Variants in RANBP17 observed in about 807,000 individuals in gnomAD.
The protein encoded by RANBP17 is ran-binding protein 17.
RANBP17 carries 158 observed loss-of-function variants against 141.2 expected under a neutral mutation model. The observed-to-expected ratio is 1.12, with a 90% CI of 0.98 to 1.28. The LOEUF (loss-of-function observed/expected upper bound fraction) is 1.28. RANBP17 is among the 50% of genes most tolerant of loss of function. The pLI is 0.00. For missense variants in RANBP17, 1,438 were observed against 1,290.7 expected (o/e 1.11, Z -1.75); for synonymous variants, 430 against 450.0 (o/e 0.96, Z 0.56).
intron 14 of RANBP17, among the ~76,000 whole-genome samples, chr5:171,168,131 C>G (rs1278294604): frequency 6.6e-6 from 1 of 152,098 alleles, no homozygotes; most frequent in Non-Finnish European, 1.5e-5. Context: ...AAGAAGCACT[C>G]AGTGTCATGA....
At chr5:171,006,651 C>A (rs11742002) in intron 14 of RANBP17, among the ~76,000 whole-genome samples, 2 of 151,280 alleles carry the variant, frequency 1.3e-5, no homozygotes, top group Non-Finnish European at 2.9e-5. Context: ...TGTTACATGA[C>A]GAGTTAATGG....
At chr5:171,262,871 T>G (rs753426706) in intron 24 of RANBP17, among the ~76,000 whole-genome samples, 3 of 152,158 alleles carry the variant, frequency 2.0e-5, no homozygotes, top group Non-Finnish European at 4.4e-5. Flanking sequence ...ATTCAACCCC[T>G]CATCCCTCAT....
intron 25 of RANBP17, among the ~76,000 whole-genome samples, chr5:171,280,402 C>A (rs1767783408): frequency 6.6e-6 from 1 of 152,158 alleles, no homozygotes. Context: ...CTCAGCCTCG[C>A]AAGTAGCTGG....
chr5:171,147,463 T>TG (rs1283571585), intron 14 of RANBP17, among the ~76,000 whole-genome samples: 6 of 148,414 alleles, frequency 4.0e-5, no homozygotes, highest in Non-Finnish European at 8.9e-5. Flanking sequence ...TCACCCAGGC[T>TG]GGAGTGCAGT....
Position 171,001,857 on chromosome 5 carries a change from C to T in RANBP17, c.1710+33480C>T, listed in dbSNP as rs551985862. 4.6e-5 allele frequency among the ~76,000 whole-genome samples: 7 copies of T among 152,124 alleles called. No individual in the cohort carries two copies. The South Asian group carries it at 1.0e-3, about 23-fold the overall frequency. Reference sequence around the variant, plus strand: ...CGTCTGACAAAAGGGAAGAAATGACCGCAGTGACCTTCTCAGACCCTATGG... The same window carrying T: ...CGTCTGACAAAAGGGAAGAAATGACTGCAGTGACCTTCTCAGACCCTATGG... On this transcript the variant is annotated intron_variant, in intron 14 of 27. Coordinates refer to ENST00000523189, the MANE Select transcript of RANBP17 (RefSeq NM_022897.5).
chr5:171,134,512 A>G (rs750534636), intron 14 of RANBP17, among the ~76,000 whole-genome samples: 1 of 152,222 alleles, frequency 6.6e-6, no homozygotes, highest in Non-Finnish European at 1.5e-5. Flanking sequence ...ATTATCAGTT[A>G]AGTAAGGGAC....
rs1003016969 is a variant in RANBP17 at position 170,979,601 on chromosome 5, C to G, written c.1710+11224C>G. Among the ~76,000 whole-genome samples the G allele has an allele frequency of 2.6e-5, 4 of 152,140 alleles. No homozygotes were observed. The South Asian group carries it at 8.3e-4, about 32-fold the overall frequency. ...TGGTAGTGACTAAATCTCACAAAAT[C>G]TGATGGTTACTATAAAGGGGAGTTG... On this transcript the variant is annotated intron_variant, in intron 14 of 27. Coordinates refer to ENST00000523189, the MANE Select transcript of RANBP17 (RefSeq NM_022897.5).
At chr5:170,940,460 A>G (rs1242383819) in intron 12 of RANBP17, among the ~76,000 whole-genome samples, 1 of 152,166 alleles carries the variant, frequency 6.6e-6, no homozygotes, top group African/African-American at 2.4e-5. Flanking sequence ...ATTGTCACCC[A>G]GGCATGCAAA....
At chr5:171,260,075 A>G (rs1389158624) in intron 24 of RANBP17, among the ~76,000 whole-genome samples, 1 of 148,934 alleles carries the variant, frequency 6.7e-6, no homozygotes, top group Non-Finnish European at 1.5e-5. Flanking sequence ...CCAAGTGGGC[A>G]GATCACTTGA....
intron 9 of RANBP17, among the ~76,000 whole-genome samples, chr5:170,917,897 T>A (rs550823391): frequency 1.3e-5 from 2 of 152,220 alleles, no homozygotes; most frequent in East Asian, 3.9e-4. Context: ...GATTACAAAA[T>A]TTTTTTGGTT....
At chr5:170,923,091 CAG>C (rs1189880618) in intron 11 of RANBP17, among the ~76,000 whole-genome samples, 8 of 152,142 alleles carry the variant, frequency 5.3e-5, no homozygotes, top group African/African-American at 1.9e-4. Flanking sequence ...TCCAGGGTCA[CAG>C]AGATTTTTCT....
intron 8 of RANBP17, among the ~76,000 whole-genome samples, chr5:170,915,675 A>T (rs1372653479): frequency 6.6e-6 from 1 of 152,022 alleles, no homozygotes; most frequent in Non-Finnish European, 1.5e-5. Flanking sequence ...ATTTTTTAAG[A>T]TGCTAATAGA....
At chr5:171,282,600 T>A (rs542038834) in intron 25 of RANBP17, among the ~76,000 whole-genome samples, 1 of 152,200 alleles carries the variant, frequency 6.6e-6, no homozygotes, top group African/African-American at 2.4e-5. Context: ...AGTCTCAGCC[T>A]CCCAAGTAGC....
At chr5:171,110,863 A>ATTT (rs35915171) in intron 14 of RANBP17, among the ~76,000 whole-genome samples, 2 of 146,958 alleles carry the variant, frequency 1.4e-5, no homozygotes, top group Non-Finnish European at 3.0e-5. Flanking sequence ...TTTTTTTTTA[A>ATTT]TTTTTTTTTT....
chr5:171,045,733 C>T (rs983162465), intron 14 of RANBP17, among the ~76,000 whole-genome samples: 1 of 152,122 alleles, frequency 6.6e-6, no homozygotes, highest in African/African-American at 2.4e-5. Flanking sequence ...TCCATCTTTT[C>T]TGGTGTACAG....
At chr5:171,252,795 C>T (rs1765656597) in intron 24 of RANBP17, 1 of 1,222,824 alleles carries the variant, frequency 8.2e-7, no homozygotes, top group Non-Finnish European at 1.2e-6. Context: ...TGTGCAGCCT[C>T]ATTGTCAGCA....
chr5:171,199,309 GA>G (rs1029031511), intron 18 of RANBP17, among the ~76,000 whole-genome samples: 26 of 147,384 alleles, frequency 1.8e-4, no homozygotes, highest in Middle Eastern at 3.4e-3. Context: ...AGAGAAGGGG[GA>G]AAAAAAAAAC....
intron 12 of RANBP17, among the ~76,000 whole-genome samples, chr5:170,935,473 G>GT (rs1360427360): frequency 6.6e-6 from 1 of 152,156 alleles, no homozygotes; most frequent in Non-Finnish European, 1.5e-5. Flanking sequence ...TGATGGTGAC[G>GT]TATGGATGGG....
Position 170,892,552 on chromosome 5 carries a change from A to G in RANBP17, c.422A>G (p.Gln141Arg), listed in dbSNP as rs1345275239. Reference sequence around the variant, plus strand: ...ATTGCTGATGTGAAGAAGTTTCTCCAGGTAAGAAGTCATTGCTACATGGTT... The same window carrying G: ...ATTGCTGATGTGAAGAAGTTTCTCCGGGTAAGAAGTCATTGCTACATGGTT... Reference protein sequence around the residue: ...EIIADVKKFLQGTVEHCIIGV... With the variant: ...EIIADVKKFLRGTVEHCIIGV... The change falls in exon 4 of 28, where the codon CAG becomes CGG. Residue 141 changes from glutamine to arginine, a missense_variant and splice_region_variant. Gln to Arg is a conservative substitution (Grantham distance 43, BLOSUM62 1). Coordinates refer to ENST00000523189, the MANE Select transcript of RANBP17 (RefSeq NM_022897.5). 1 of 1,612,560 alleles carries G rather than the reference A, an allele frequency of 6.2e-7. No individual in the cohort carries two copies.
Sources: gnomAD v4.1 joint callset for allele counts (sites outside exome capture counted in the v4.1 genomes callset) on GRCh38, gnomAD v4.1.1 for gene constraint, MANE v1.5 for transcripts, NCBI Gene and HGNC (gene_info 2026-07-23, HGNC 2026-07-21) for gene names.